DNAH17: variants seen among roughly 807,000 people sequenced by gnomAD.
DNAH17 encodes the protein axonemal beta dynein heavy chain 17.
A neutral mutation model predicts 485.6 loss-of-function variants in DNAH17; 376 were observed. That is an observed-to-expected ratio of 0.77 (90% confidence interval 0.71 to 0.84). DNAH17 has a LOEUF of 0.84. Among genes scored for constraint, DNAH17 ranks in the 40% least tolerant of loss-of-function variants. DNAH17 has a pLI of 0.00. For missense variants in DNAH17, 6,370 were observed against 5,839.3 expected (o/e 1.09, Z -2.96); for synonymous variants, 3,031 against 2,405.9 (o/e 1.26, Z -7.60).
Position 78,459,907 on chromosome 17 carries a change from T to C in DNAH17, c.9530A>G (p.Lys3177Arg), listed in dbSNP as rs1409080922. 1.2e-6 allele frequency: 2 copies of C among 1,614,048 alleles called. No homozygotes were observed. Among genetic ancestry groups the C allele is most frequent in the Non-Finnish European group, 8.5e-7 (1 of 1,179,902 alleles). The change falls in exon 60 of 81, where the codon AAG (lysine) becomes AGG (arginine). Residue 3177 changes from lysine to arginine, a missense_variant. By Grantham distance (26) the Lys-to-Arg change is conservative. Coordinates refer to ENST00000389840, the MANE Select transcript of DNAH17 (RefSeq NM_173628.4). Reference protein sequence around the residue: ...AVMILTAPGGKIPKDKSWKAA... With the variant: ...AVMILTAPGGRIPKDKSWKAA... ...CTTCCAGCTCTTGTCCTTGGGGATC[T>C]TGCCCCCAGGTGCGGTCAGAATCAT...
chr17:78,555,543 C>CAAAAA (rs765954549), intron 14 of DNAH17, among the ~76,000 whole-genome samples: 6,423 of 77,394 alleles, frequency 0.083, 843 homozygotes, highest in Non-Finnish European at 0.091. Context: ...GATTCCGTCA[C>CAAAAA]AAAAAAAAAA....
At position 78,535,380 on chromosome 17, in the gene DNAH17, T is replaced by TC. The variant is rs376842728; in HGVS notation, c.2859+1918dup. On this transcript the variant is annotated intron_variant, in intron 19 of 80. Coordinates refer to ENST00000389840, the MANE Select transcript of DNAH17 (RefSeq NM_173628.4). ...GAAACCTCCTCCCACCCTTCCAGAATCCGCTCACACGCCCACTCCTCTCAG... is the reference window on the plus strand; with the variant it reads ...GAAACCTCCTCCCACCCTTCCAGAATCCCGCTCACACGCCCACTCCTCTCAG... 9.5e-4 allele frequency among the ~76,000 whole-genome samples: 144 copies of TC among 152,312 alleles called. 1 individual carries two copies. Among genetic ancestry groups the TC allele is most frequent in the African/African-American group, 3.4e-3 (141 of 41,578 alleles).
intron 18 of DNAH17, among the ~76,000 whole-genome samples, chr17:78,537,713 G>C (rs865842916): frequency 2.6e-5 from 4 of 152,218 alleles, no homozygotes; most frequent in Admixed American, 1.3e-4. Flanking sequence ...CAAGGGGAGG[G>C]GCAGGATCAG....
intron 25 of DNAH17, among the ~76,000 whole-genome samples, chr17:78,521,361 G>A (rs75029220): frequency 0.17 from 25,895 of 151,970 alleles, 2,545 homozygotes; most frequent in East Asian, 0.47. Flanking sequence ...AGCCAAGATC[G>A]CACCACAGCA....
chr17:78,425,996 C>T (rs1203252482), intron 79 of DNAH17, among the ~76,000 whole-genome samples: 4 of 152,160 alleles, frequency 2.6e-5, no homozygotes, highest in Non-Finnish European at 5.9e-5. Context: ...CTCCTGGCTT[C>T]AAGTGATCTG....
At chr17:78,453,604 C>A in intron 64 of DNAH17, 139 bp from the exon 65 acceptor site, 1 of 1,116,476 alleles carries the variant, frequency 9.0e-7, no homozygotes, top group Non-Finnish European at 1.3e-6. Flanking sequence ...AACTTGTTCC[C>A]AACAGCTCGC....
Position 78,473,322 on chromosome 17 carries a change from A to C in DNAH17, c.8511+1956T>G, listed in dbSNP as rs573445698. On this transcript the variant is annotated intron_variant, in intron 54 of 80. Coordinates refer to ENST00000389840, the MANE Select transcript of DNAH17 (RefSeq NM_173628.4). ...CACTCTGGGAGGCTGAGGCGGGCAG[A>C]TCACGAGGTCAGGAGATTGAGACCA... Among the ~76,000 whole-genome samples the C allele has an allele frequency of 3.3e-5, 5 of 152,246 alleles. No individual in the cohort carries two copies. In the South Asian group the frequency reaches 1.0e-3, roughly 32 times the overall value.
chr17:78,482,472 T>C (rs1376764766), intron 48 of DNAH17, among the ~76,000 whole-genome samples: 2 of 152,188 alleles, frequency 1.3e-5, no homozygotes, highest in African/African-American at 4.8e-5. Context: ...ATTTCTCCAT[T>C]ATATATGTCC....
At chr17:78,567,743 C>T (rs2092291209) in intron 9 of DNAH17, among the ~76,000 whole-genome samples, 1 of 152,186 alleles carries the variant, frequency 6.6e-6, no homozygotes, top group African/African-American at 2.4e-5. Flanking sequence ...TGGCCCATAG[C>T]AATGCATTCC....
intron 13 of DNAH17, among the ~76,000 whole-genome samples, chr17:78,559,649 G>A (rs1457090863): frequency 2.0e-5 from 3 of 152,146 alleles, no homozygotes; most frequent in Non-Finnish European, 2.9e-5. Flanking sequence ...CTCACAGCGT[G>A]GAGAAGGGTC....
rs772047645 is a variant in DNAH17, at chr17:78,524,989, G to C, written c.3864+20C>G. ...CTGCAGAATCCCGGGCCCCACCCAC[G>C]CGGCGTGCCCTGCACTCACCACAAC... On this transcript the variant is annotated intron_variant, in intron 25 of 80. Transcript: ENST00000389840. The C allele has an allele frequency of 6.3e-7, 1 of 1,589,620 alleles. No individual in the cohort carries two copies. The highest frequency in any genetic ancestry group is 1.7e-5 in the Admixed American group (1 of 59,138).
intron 25 of DNAH17, among the ~76,000 whole-genome samples, chr17:78,518,773 T>C (rs1884990389): frequency 6.6e-6 from 1 of 152,144 alleles, no homozygotes; most frequent in Non-Finnish European, 1.5e-5. Context: ...TTAATACATT[T>C]AAAATAATGA....
Position 78,445,420 on chromosome 17 carries a change from T to C in DNAH17, c.11334+138A>G, listed in dbSNP as rs1381278677. On this transcript the variant is annotated intron_variant, in intron 70 of 80. Coordinates refer to ENST00000389840, the MANE Select transcript of DNAH17 (RefSeq NM_173628.4). ...CAGCCCATCTTGGTCTCCATCCCTA[T>C]GTGCGGGGCCTCCTTGCTTTACTGA... 2.4e-6 allele frequency: 3 copies of C among 1,232,200 alleles called. No homozygotes were observed. The South Asian group carries it at 4.7e-5, about 19-fold the overall frequency. The allele number at this position is 1,232,200 out of a possible 1,614,324, so 76.3% of individuals were successfully genotyped here.
At chr17:78,437,562 G>C in intron 74 of DNAH17, 79 bp downstream of exon 74, 1 of 1,156,268 alleles carries the variant, frequency 8.6e-7, no homozygotes. Context: ...GCGGTCCTCA[G>C]TGGTCCTCGG....
chr17:78,557,555 C>T (rs2092051782), intron 14 of DNAH17, among the ~76,000 whole-genome samples: 3 of 141,788 alleles, frequency 2.1e-5, no homozygotes, highest in African/African-American at 7.8e-5. Context: ...AGGAGAATCG[C>T]TTGAACTTGG....
chr17:78,466,904 G>A, intron 55 of DNAH17, 88 bp from the exon 56 acceptor site: 1 of 1,389,086 alleles, frequency 7.2e-7, no homozygotes, highest in South Asian at 1.5e-5. Context: ...CTGCCAGAAA[G>A]CAACGCGCCC....
In DNAH17 at chr17:78,439,131, G is replaced by A; in HGVS notation, c.11764C>T (p.Leu3922=). The A allele has an allele frequency of 6.2e-7, 1 of 1,613,652 alleles. No individual in the cohort carries two copies. Residue 3922 remains leucine (L), a synonymous_variant, in exon 73 of 81, where the codon CTG becomes TTG. Transcript: ENST00000389840. ...TGTCCTTTCTCTGCAGCCACGTCCA[G>A]GGCGTTCTCAGCCACCACCTCTTGT... The part of the protein sequence containing the change: ...QGQEVVAENA[L]DVAAEKGHWV...
rs1165065280 is a variant in DNAH17, at chr17:78,427,240, C to T, written c.12589-132G>A. The T allele has an allele frequency of 4.7e-6, 4 of 855,410 alleles. No homozygotes were observed. The African/African-American group carries it at 5.1e-5, about 11-fold the overall frequency. The allele number at this position is 855,410 out of a possible 1,614,324, so 53.0% of individuals were successfully genotyped here. A position where few individuals can be genotyped will look rare whatever the true frequency, so the allele number is the denominator to read the frequency against. ...GGAGGGAAGAGGCAAGTAGAGTTGC[C>T]AGAAATGCAGGGTCATGGGTGCAGC... On this transcript the variant is annotated intron_variant, in intron 77 of 80. Coordinates refer to ENST00000389840, the MANE Select transcript of DNAH17 (RefSeq NM_173628.4).
chr17:78,429,093 GAGCTCCTGTTT>G lies in DNAH17; in HGVS notation c.12405+17_12405+27del. On this transcript the variant is annotated intron_variant, in intron 76 of 80. Coordinates refer to ENST00000389840, the MANE Select transcript of DNAH17 (RefSeq NM_173628.4). ...GGGAGGCACGAGCCTTCATTACGTT[GAGCTCCTGTTT>G]AACTTGTCATCCTTACCTTGTAGTC... 1 of 1,605,000 alleles carries G rather than the reference GAGCTCCTGTTT, an allele frequency of 6.2e-7. No homozygotes were observed. The highest frequency in any genetic ancestry group is 8.5e-7 in the Non-Finnish European group (1 of 1,172,716).
Sources: gnomAD v4.1 joint callset for allele counts (sites outside exome capture counted in the v4.1 genomes callset) on GRCh38, gnomAD v4.1.1 for gene constraint, MANE v1.5 for transcripts, NCBI Gene and HGNC (gene_info 2026-07-23, HGNC 2026-07-21) for gene names.